MZT2B: variants seen among roughly 807,000 people sequenced by gnomAD.
MZT2B encodes the protein mitotic-spindle organizing protein 2B.
MZT2B carries 11 observed loss-of-function variants against 12.1 expected under a neutral mutation model. The observed-to-expected ratio is 0.91, with a 90% CI of 0.57 to 1.50. The LOEUF (loss-of-function observed/expected upper bound fraction) is 1.50, where lower values mean the gene tolerates loss of function less well. Among genes scored for constraint, MZT2B ranks in the 40% most tolerant of loss-of-function variants. MZT2B has a pLI of 0.00. For missense variants in MZT2B, 209 were observed against 227.7 expected (o/e 0.92, Z 0.53); for synonymous variants, 85 against 109.5 (o/e 0.78, Z 1.40).
At chr2:130,192,256 A>G, downstream of MZT2B, 3 of 1,313,940 alleles carry the variant, frequency 2.3e-6, no homozygotes, top group Admixed American at 5.7e-5. Context: ...CACAAACGTC[A>G]CTAAGCCCTT....
chr2:130,184,300 G>A (rs969418062), intron 2 of MZT2B: 3 of 985,330 alleles, frequency 3.0e-6, no homozygotes, highest in African/African-American at 1.7e-5. Flanking sequence ...CACAGCCCCA[G>A]GCGTGACAAA....
chr2:130,195,875 G>A, the MZT2B span, among the ~76,000 whole-genome samples: 1 of 152,266 alleles, frequency 6.6e-6, no homozygotes, highest in Non-Finnish European at 1.5e-5. Context: ...GGCCACCTGA[G>A]CAGGGCTGAG....
chr2:130,194,089 G>C (rs1350286587), downstream of MZT2B: 1 of 1,614,214 alleles, frequency 6.2e-7, no homozygotes, highest in East Asian at 2.2e-5. Context: ...ATTCCGTCAA[G>C]TCCACATTCA....
At chr2:130,190,758 T>G (rs555022247), downstream of MZT2B, 516 of 1,434,348 alleles carry the variant, frequency 3.6e-4, 2 homozygotes, top group Non-Finnish European at 3.3e-4. Flanking sequence ...TTTTTTGTTT[T>G]TTTTTTTATA....
At chr2:130,183,874 T>A in intron 2 of MZT2B, 6 of 1,550,630 alleles carry the variant, frequency 3.9e-6, no homozygotes, top group Non-Finnish European at 5.2e-6. Context: ...TCTCCGGTTC[T>A]GCTCCACAGC....
intron 2 of MZT2B, chr2:130,184,871 A>G (rs1689998868): frequency 1.0e-6 from 1 of 985,224 alleles, no homozygotes; most frequent in African/African-American, 1.7e-5. Flanking sequence ...GCAGTGAGGA[A>G]AACCACCAGC....
intron 1 of MZT2B, 53 bp downstream of exon 1, chr2:130,182,505 CT>C: frequency 6.5e-7 from 1 of 1,541,520 alleles, no homozygotes; most frequent in Non-Finnish European, 8.7e-7. Context: ...CCGACCTCTG[CT>C]TTCCGGGTAC....
chr2:130,181,831 G>T (rs981964295), upstream of MZT2B: 2 of 1,542,196 alleles, frequency 1.3e-6, no homozygotes, highest in Admixed American at 3.9e-5. Context: ...CCGCGTGCGC[G>T]TAAGCAGTAT....
chr2:130,198,658 C>G, the MZT2B span, among the ~76,000 whole-genome samples: 2 of 123,564 alleles, frequency 1.6e-5, no homozygotes, highest in African/African-American at 5.8e-5. Flanking sequence ...GGGTGTCTTC[C>G]GACCAGGATT....
downstream of MZT2B, among the ~76,000 whole-genome samples, chr2:130,192,459 A>T (rs977169733): frequency 2.0e-5 from 3 of 152,154 alleles, no homozygotes; most frequent in Non-Finnish European, 4.4e-5. Context: ...ATTACAATTA[A>T]ATTCTGTAGC....
chr2:130,204,028 G>A, the MZT2B span: 1 of 339,120 alleles, frequency 2.9e-6, no homozygotes, highest in Non-Finnish European at 5.9e-6. Flanking sequence ...TTTCCAAGCA[G>A]GGGATTTCTC....
rs182155960 is a variant in MZT2B at position 130,185,234 on chromosome 2, T to C, written c.319+2459T>C. Among the ~76,000 whole-genome samples, 968 of 150,260 alleles carry C rather than the reference T, an allele frequency of 6.4e-3. 8 individuals are homozygous for C. The highest frequency in any genetic ancestry group is 0.022 in the African/African-American group (906 of 40,864). On this transcript the variant is annotated intron_variant, in intron 2 of 2. Transcript: ENST00000281871. The stretch of plus-strand genomic sequence containing the variant: ...GCTGAGGCAGAAGAATGGCGTGAAC[T>C]TGGGAGGTGGAGCTTACAGTGAGCC...
chr2:130,181,835 G>C (rs1207792860), upstream of MZT2B: 23 of 1,543,260 alleles, frequency 1.5e-5, no homozygotes, highest in Non-Finnish European at 2.0e-5. Context: ...GTGCGCGTAA[G>C]CAGTATTGTT....
At chr2:130,188,728 G>A (rs568124826) in intron 2 of MZT2B, among the ~76,000 whole-genome samples, 5 of 152,258 alleles carry the variant, frequency 3.3e-5, no homozygotes, top group East Asian at 3.9e-4. Context: ...AAGGAGGGCC[G>A]TCCTATCCCT....
At chr2:130,185,775 G>A (rs1690037758) in intron 2 of MZT2B, among the ~76,000 whole-genome samples, 1 of 149,710 alleles carries the variant, frequency 6.7e-6, no homozygotes, top group Non-Finnish European at 1.5e-5. Flanking sequence ...AGGGGGTGCT[G>A]TGTGAGCGAA....
intron 2 of MZT2B, chr2:130,184,385 C>T: frequency 1.0e-6 from 1 of 985,456 alleles, no homozygotes; most frequent in Non-Finnish European, 1.2e-6. Context: ...CCCACCTTCC[C>T]AGAGTCTCCT....
chr2:130,203,439 G>A, the MZT2B span, among the ~76,000 whole-genome samples: 28 of 152,118 alleles, frequency 1.8e-4, 1 homozygote, highest in South Asian at 4.6e-3. Flanking sequence ...GTGTGACAGT[G>A]ACTAAACAGC....
chr2:130,195,262 A>C, downstream of MZT2B: 1 of 1,606,426 alleles, frequency 6.2e-7, no homozygotes, highest in South Asian at 1.1e-5. Context: ...TGAATTTTTA[A>C]GGCCTGTACT....
At chr2:130,203,919 G>A in the MZT2B span, among the ~76,000 whole-genome samples, 2 of 119,984 alleles carry the variant, frequency 1.7e-5, no homozygotes, top group African/African-American at 6.5e-5. Context: ...ACTCCATGCA[G>A]TTGCGAGGTC....
Sources: gnomAD v4.1 joint callset for allele counts (sites outside exome capture counted in the v4.1 genomes callset) on GRCh38, gnomAD v4.1.1 for gene constraint, MANE v1.5 for transcripts, NCBI Gene and HGNC (gene_info 2026-07-23, HGNC 2026-07-21) for gene names.